ITPR2: variants seen among roughly 807,000 people sequenced by gnomAD.
The protein encoded by ITPR2 is inositol 1,4,5-trisphosphate receptor type 2, also known as inositol 1,4,5-trisphosphate-gated calcium channel ITPR2.
In ITPR2, 207 loss-of-function variants were observed where a neutral mutation model predicts 317.1. That is an observed-to-expected ratio of 0.65 (90% CI 0.58 to 0.73). The LOEUF is 0.73. ITPR2 is among the 30% of genes least tolerant of loss of function. ITPR2 has a pLI of 0.00. For synonymous variants in ITPR2, 1,156 were observed against 1,149.1 expected, an observed-to-expected ratio of 1.01 and a Z score of -0.12; for missense variants, 2,613 against 3,284.0, an observed-to-expected ratio of 0.80 and a Z score of 4.99.
At chr12:26,547,740 GTTT>G (rs1041110418) in intron 37 of ITPR2, among the ~76,000 whole-genome samples, 2 of 152,100 alleles carry the variant, frequency 1.3e-5, no homozygotes, top group African/African-American at 4.8e-5. Context: ...ATGAAATCAG[GTTT>G]TTCTTTCTTA....
At chr12:26,461,695 C>T (rs1202457305) in intron 45 of ITPR2, among the ~76,000 whole-genome samples, 51 of 25,330 alleles carry the variant, frequency 2.0e-3, no homozygotes, top group African/African-American at 4.1e-3. Flanking sequence ...TATATATACA[C>T]ACACACACAC....
At chr12:26,422,257 T>G (rs1481958369) in intron 49 of ITPR2, among the ~76,000 whole-genome samples, 1 of 150,562 alleles carries the variant, frequency 6.6e-6, no homozygotes, top group Non-Finnish European at 1.5e-5. Context: ...ACTTAATTAT[T>G]TAACCAATAA....
chr12:26,742,539 GT>G (rs1367554093), intron 2 of ITPR2, among the ~76,000 whole-genome samples: 2 of 152,206 alleles, frequency 1.3e-5, no homozygotes. Context: ...ATGTGGCCAG[GT>G]GCAGTGGCTC....
At chr12:26,522,841 C>T (rs543687903) in intron 37 of ITPR2, among the ~76,000 whole-genome samples, 2 of 151,510 alleles carry the variant, frequency 1.3e-5, no homozygotes, top group South Asian at 2.1e-4. Flanking sequence ...GCTTCCACGG[C>T]GGGGGGGGAA....
chr12:26,378,035 T>C (rs1939395712), intron 55 of ITPR2, among the ~76,000 whole-genome samples: 1 of 152,124 alleles, frequency 6.6e-6, no homozygotes, highest in African/African-American at 2.4e-5. Context: ...CTTATTTATT[T>C]TGTTCAACGA....
At chr12:26,563,042 T>TA (rs1202982073) in intron 34 of ITPR2, among the ~76,000 whole-genome samples, 1 of 151,494 alleles carries the variant, frequency 6.6e-6, no homozygotes. Flanking sequence ...GACAACGGAT[T>TA]AAAAAAAATA....
chr12:26,513,683 C>T (rs979127681), intron 37 of ITPR2, among the ~76,000 whole-genome samples: 2 of 152,042 alleles, frequency 1.3e-5, no homozygotes, highest in African/African-American at 4.8e-5. Context: ...CTGTTTCCAG[C>T]ACCTTTGCCT....
At position 26,596,923 on chromosome 12, in the gene ITPR2, T is replaced by C; in HGVS notation, c.4214A>G (p.Asp1405Gly). The C allele has an allele frequency of 1.9e-6, 3 of 1,586,114 alleles. No homozygotes were observed. Among genetic ancestry groups the C allele is most frequent in the Non-Finnish European group, 2.6e-6 (3 of 1,165,044 alleles). ...IKCNSLLPLD[D>G]IVRVVTHDDC... ...GTCATGGGTCACCACCCTCACTATG[T>C]CGTCCAGCGGGAGAAGGGAATTACA... Residue 1405 changes from aspartate to glycine, a missense_variant, in exon 31 of 57, where the codon GAC becomes GGC. By Grantham distance (94) the Asp-to-Gly change is moderately conservative. This residue lies in a region of ITPR2 where 926 missense variants were observed against 1,072.8 expected (regional missense o/e 0.86). Transcript: ENST00000381340.
intron 32 of ITPR2, among the ~76,000 whole-genome samples, chr12:26,589,747 A>C (rs975308666): frequency 9.0e-5 from 13 of 144,492 alleles, no homozygotes; most frequent in Non-Finnish European, 2.0e-4. Context: ...AGATCGCCCC[A>C]CTGCACTCCA....
chr12:26,704,074 T>TA (rs945502862), intron 9 of ITPR2, among the ~76,000 whole-genome samples: 3 of 152,222 alleles, frequency 2.0e-5, no homozygotes, highest in African/African-American at 7.2e-5. Context: ...TTTAAAATTC[T>TA]AAAATGCTCA....
chr12:26,383,097 A>G (rs1254937287), intron 55 of ITPR2, among the ~76,000 whole-genome samples: 2 of 152,146 alleles, frequency 1.3e-5, no homozygotes, highest in Admixed American at 6.5e-5. Context: ...TTCTCACTCT[A>G]TTAGTTCACT....
chr12:26,663,634 T>C, intron 15 of ITPR2, 51 bp downstream of exon 15: 1 of 1,489,766 alleles, frequency 6.7e-7, no homozygotes, highest in Non-Finnish European at 9.0e-7. Context: ...CCAAAGAACC[T>C]TGCCCATACT....
chr12:26,624,195 T>C, intron 24 of ITPR2, 104 bp downstream of exon 24: 1 of 758,952 alleles, frequency 1.3e-6, no homozygotes, highest in East Asian at 2.8e-5. Flanking sequence ...CAATAGAGGG[T>C]CTAAAAATAA....
chr12:26,642,725 GA>G (rs1402308990), intron 21 of ITPR2, among the ~76,000 whole-genome samples: 1 of 152,208 alleles, frequency 6.6e-6, no homozygotes, highest in Non-Finnish European at 1.5e-5. Flanking sequence ...CTCAGCATCT[GA>G]AAAACAGCAT....
intron 49 of ITPR2, among the ~76,000 whole-genome samples, chr12:26,424,393 T>C (rs1029416718): frequency 6.6e-6 from 1 of 152,148 alleles, no homozygotes; most frequent in Non-Finnish European, 1.5e-5. Flanking sequence ...CCTATAGTTT[T>C]AGCACTTATA....
rs538569130 is a variant in ITPR2, at chr12:26,831,066, TCA to T, written c.92+1622_92+1623del. Among the ~76,000 whole-genome samples, 24 of 151,970 alleles carry T rather than the reference TCA, an allele frequency of 1.6e-4. No homozygotes were observed. The highest frequency in any genetic ancestry group is 2.4e-4 in the Non-Finnish European group (16 of 67,942). Reference sequence around the variant, plus strand: ...GAACCCCCTCTGCTTAACTACTACATCACACACACACACCTGGAGAGTCTACG... The same window carrying T: ...GAACCCCCTCTGCTTAACTACTACATCACACACACACCTGGAGAGTCTACG... On this transcript the variant is annotated intron_variant, in intron 1 of 56. Transcript: ENST00000381340. The surrounding 1 kb of genome is among the most constrained non-coding windows in gnomAD (Gnocchi z 4.9).
chr12:26,510,374 A>C (rs1324311598), intron 37 of ITPR2, among the ~76,000 whole-genome samples: 1 of 151,896 alleles, frequency 6.6e-6, no homozygotes, highest in Non-Finnish European at 1.5e-5. Flanking sequence ...TTCAGAATTA[A>C]ACATAATAAA....
At chr12:26,481,345 A>T in intron 42 of ITPR2, 104 bp from the exon 43 acceptor site, 1 of 642,730 alleles carries the variant, frequency 1.6e-6, no homozygotes, top group Non-Finnish European at 2.7e-6. Flanking sequence ...TTGACCTTTA[A>T]AAAATAGGTA....
chr12:26,666,128 G>C (rs371059474), intron 13 of ITPR2, 77 bp from the exon 14 acceptor site: 6 of 418,966 alleles, frequency 1.4e-5, no homozygotes, highest in Non-Finnish European at 2.1e-5. Context: ...TGATAGGTAG[G>C]TAGGTAGAGA....
Sources: gnomAD v4.1 joint callset for allele counts (sites outside exome capture counted in the v4.1 genomes callset) on GRCh38, gnomAD v4.1.1 for gene constraint, gnomAD v4.1.1 regional missense constraint, Gnocchi (gnomAD v3.1) non-coding constraint, MANE v1.5 for transcripts, NCBI Gene and HGNC (gene_info 2026-07-23, HGNC 2026-07-21) for gene names.